The following RANBP17 variants were observed in gnomAD, a reference collection of about 807,000 sequenced individuals.
RANBP17 encodes the protein ran-binding protein 17.
In RANBP17, 158 loss-of-function variants were observed where a neutral mutation model predicts 141.2. The observed-to-expected ratio is 1.12, with a 90% CI of 0.98 to 1.28. The LOEUF (loss-of-function observed/expected upper bound fraction) is 1.28. Ranked by LOEUF, RANBP17 falls within the 50% of genes most tolerant of loss-of-function variation. The pLI is 0.00. For synonymous variants in RANBP17, 430 were observed against 450.0 expected (o/e 0.96, Z 0.56); for missense variants, 1,438 against 1,290.7 (o/e 1.11, Z -1.75).
rs1303731708 is a variant in RANBP17 at position 171,244,863 on chromosome 5, C to T, written c.2776+2043C>T. Among the ~76,000 whole-genome samples the T allele has an allele frequency of 5.3e-5, 8 of 152,136 alleles. No homozygotes were observed. The East Asian group carries it at 9.7e-4, about 18-fold the overall frequency. The stretch of plus-strand genomic sequence containing the variant: ...ATAATAGGCCAGGCGCGGTGGCTCA[C>T]GCCTGTAATCCCAGCACTTTGGGAG... On this transcript the variant is annotated intron_variant, in intron 24 of 27. Coordinates refer to ENST00000523189, the MANE Select transcript of RANBP17 (RefSeq NM_022897.5).
chr5:171,077,209 G>A (rs965287164), intron 14 of RANBP17, among the ~76,000 whole-genome samples: 6 of 152,004 alleles, frequency 3.9e-5, no homozygotes, highest in Admixed American at 1.3e-4. Flanking sequence ...GTGTGGTGGC[G>A]GGCGCCTGTA....
intron 14 of RANBP17, among the ~76,000 whole-genome samples, chr5:170,980,901 G>A (rs1777722717): frequency 6.6e-6 from 1 of 152,144 alleles, no homozygotes; most frequent in African/African-American, 2.4e-5. Context: ...CTGTTCACCT[G>A]GAAAAGCCAT....
In RANBP17 at chr5:170,896,042, C is replaced by T. The variant is rs772957392; in HGVS notation, c.424-8C>T. On this transcript the variant is annotated splice_region_variant and splice_polypyrimidine_tract_variant and intron_variant, in intron 4 of 27. Transcript: ENST00000523189. ...CACTTAGGCTAAACTTTGTTATTTT[C>T]TCCAAAGGGTACTGTGGAACACTGC... The T allele has an allele frequency of 6.4e-7, 1 of 1,571,260 alleles. No homozygotes were observed. Among genetic ancestry groups the T allele is most frequent in the South Asian group, 1.2e-5 (1 of 83,960 alleles).
At chr5:171,137,811 C>G (rs1757416452) in intron 14 of RANBP17, among the ~76,000 whole-genome samples, 1 of 151,938 alleles carries the variant, frequency 6.6e-6, no homozygotes, top group Non-Finnish European at 1.5e-5. Flanking sequence ...TATATTATAA[C>G]TGGTCCTTGT....
At chr5:171,165,367 G>C (rs915007424) in intron 14 of RANBP17, among the ~76,000 whole-genome samples, 2 of 151,896 alleles carry the variant, frequency 1.3e-5, no homozygotes, top group African/African-American at 4.8e-5. Context: ...ATTTTAGTTT[G>C]GGGTTTCACC....
At chr5:171,274,041 CT>C (rs969593122) in intron 25 of RANBP17, among the ~76,000 whole-genome samples, 20 of 151,818 alleles carry the variant, frequency 1.3e-4, no homozygotes, top group Admixed American at 7.2e-4. Context: ...TGACCTAATA[CT>C]TTTCAAACTT....
chr5:170,881,929 C>T lies in RANBP17; in HGVS notation c.256+33C>T, dbSNP rs200245657. ...GCTTATTATGCTTTTTAACCAACTG[C>T]GCTTTAAAAATCTTTTTCTTTTAAA... is the stretch of plus-strand genomic sequence containing the variant. On this transcript the variant is annotated intron_variant, in intron 3 of 27. Transcript: ENST00000523189. The T allele has an allele frequency of 1.9e-4, 260 of 1,399,860 alleles. 8 individuals carry two copies. In the Middle Eastern group the frequency reaches 0.011, roughly 57 times the overall value. The allele number at this position is 1,399,860 out of a possible 1,614,324, so 86.7% of individuals were successfully genotyped here.
chr5:170,921,408 T>C lies in RANBP17; in HGVS notation c.1274+1795T>C, dbSNP rs189427995. Among the ~76,000 whole-genome samples, 386 of 152,042 alleles carry C rather than the reference T, an allele frequency of 2.5e-3. 2 individuals are homozygous for C. The highest frequency in any genetic ancestry group is 8.6e-3 in the African/African-American group (359 of 41,520). On this transcript the variant is annotated intron_variant, in intron 11 of 27. Transcript: ENST00000523189. The stretch of plus-strand genomic sequence containing the variant: ...CAAAGATCAGATGGTTGTAGATGTG[T>C]GTTATTTCTGAGGCCTCTGTTCTGT...
At chr5:170,933,962 A>G (rs966415502) in intron 12 of RANBP17, among the ~76,000 whole-genome samples, 1 of 151,942 alleles carries the variant, frequency 6.6e-6, no homozygotes, top group Non-Finnish European at 1.5e-5. Flanking sequence ...CAATTCCTGG[A>G]TATCCTTGTT....
At chr5:171,107,061 C>T (rs1218699695) in intron 14 of RANBP17, among the ~76,000 whole-genome samples, 3 of 151,998 alleles carry the variant, frequency 2.0e-5, no homozygotes, top group African/African-American at 7.3e-5. Flanking sequence ...TGGAGTTCAA[C>T]ATGTTTATGG....
At chr5:171,252,768 T>C (rs1765655207) in intron 24 of RANBP17, 12 of 1,320,206 alleles carry the variant, frequency 9.1e-6, no homozygotes, top group South Asian at 7.1e-5. Context: ...TTGCTTCATA[T>C]GAAAGTGTGG....
At chr5:171,127,015 A>G (rs1756520268) in intron 14 of RANBP17, among the ~76,000 whole-genome samples, 1 of 152,208 alleles carries the variant, frequency 6.6e-6, no homozygotes, top group South Asian at 2.1e-4. Flanking sequence ...AAACCAGACA[A>G]GAACACAAGA....
At chr5:171,054,722 A>G (rs992880437) in intron 14 of RANBP17, among the ~76,000 whole-genome samples, 1 of 151,868 alleles carries the variant, frequency 6.6e-6, no homozygotes, top group Non-Finnish European at 1.5e-5. Context: ...CCTCAACCTT[A>G]TTTTACCCAG....
chr5:171,089,250 G>T (rs202000706), intron 14 of RANBP17, among the ~76,000 whole-genome samples: 13,147 of 77,398 alleles, frequency 0.17, 1,639 homozygotes, highest in East Asian at 0.42. Context: ...TGCTGGGGGG[G>T]GCCTCCCAGT....
intron 21 of RANBP17, among the ~76,000 whole-genome samples, chr5:171,218,415 C>A (rs548832129): frequency 1.1e-4 from 17 of 152,166 alleles, no homozygotes; most frequent in African/African-American, 4.1e-4. Flanking sequence ...TTTACTTGGT[C>A]CAGAGCTGAG....
At chr5:170,902,514 C>T (rs1021625464) in intron 5 of RANBP17, among the ~76,000 whole-genome samples, 51 of 152,296 alleles carry the variant, frequency 3.3e-4, no homozygotes, top group Admixed American at 9.8e-4. Flanking sequence ...CTGAAGCCTC[C>T]TTCTGTCAGT....
intron 5 of RANBP17, among the ~76,000 whole-genome samples, chr5:170,898,658 A>G (rs1324934783): frequency 6.6e-6 from 1 of 152,122 alleles, no homozygotes; most frequent in Non-Finnish European, 1.5e-5. Flanking sequence ...GTTAGGTCTT[A>G]TATTTAAGTC....
At chr5:171,241,774 A>G (rs1764896373) in intron 23 of RANBP17, among the ~76,000 whole-genome samples, 1 of 152,140 alleles carries the variant, frequency 6.6e-6, no homozygotes, top group South Asian at 2.1e-4. Context: ...CTAATAGTCA[A>G]ACAAACCTTC....
chr5:171,256,045 A>G (rs1765868749), intron 24 of RANBP17, among the ~76,000 whole-genome samples: 1 of 147,194 alleles, frequency 6.8e-6, no homozygotes, highest in Non-Finnish European at 1.5e-5. Flanking sequence ...TCTTGTGGTA[A>G]CCATCGGTAT....
Sources: gnomAD v4.1 joint callset for allele counts (sites outside exome capture counted in the v4.1 genomes callset) on GRCh38, gnomAD v4.1.1 for gene constraint, MANE v1.5 for transcripts, NCBI Gene and HGNC (gene_info 2026-07-23, HGNC 2026-07-21) for gene names.